DLGAP2: variants seen among roughly 807,000 people sequenced by gnomAD.
DLGAP2 encodes disks large-associated protein 2.
In DLGAP2, 26 loss-of-function variants were observed where a neutral mutation model predicts 100.3. The ratio of observed to expected loss-of-function variants is 0.26; its 90% CI spans 0.19 to 0.36. The LOEUF (loss-of-function observed/expected upper bound fraction) is 0.36. Among genes scored for constraint, DLGAP2 ranks in the 10% least tolerant of loss-of-function variants. The probability of loss-of-function intolerance (pLI) is 1.00; values close to 1 mark genes in which losing one functional copy is unlikely to be tolerated. For synonymous variants in DLGAP2, 886 were observed against 630.1 expected, an observed-to-expected ratio of 1.41 and a Z score of -6.08; for missense variants, 1,858 against 1,453.2, an observed-to-expected ratio of 1.28 and a Z score of -4.53.
chr8:1,682,664 G>C (rs1241118262), intron 12 of DLGAP2, among the ~76,000 whole-genome samples: 2 of 151,458 alleles, frequency 1.3e-5, no homozygotes, highest in East Asian at 3.9e-4. Flanking sequence ...AGTAGAGATG[G>C]AGTTTCACCA....
At chr8:762,406 A>G (rs944045847) in intron 1 of DLGAP2, among the ~76,000 whole-genome samples, 2 of 152,238 alleles carry the variant, frequency 1.3e-5, no homozygotes, top group African/African-American at 4.8e-5. Context: ...AGAACTTTCA[A>G]GCATGTAATA....
At chr8:1,276,362 C>T (rs1334785362) in intron 3 of DLGAP2, among the ~76,000 whole-genome samples, 1 of 151,922 alleles carries the variant, frequency 6.6e-6, no homozygotes, top group African/African-American at 2.4e-5. Flanking sequence ...TGTAGATTCG[C>T]GTCGGGCACT....
intron 3 of DLGAP2, among the ~76,000 whole-genome samples, chr8:1,308,926 T>G (rs965316382): frequency 1.3e-5 from 2 of 152,268 alleles, no homozygotes; most frequent in Admixed American, 1.3e-4. Context: ...TTATTTTTTT[T>G]TAAAGAAAAC....
rs1410987661 is a variant in DLGAP2, at chr8:737,692, G to T, written c.-116G>T. ...GCGGCGCCTGCGGCGGCGAACGGAC[G>T]GACGGACCGCGGACGGACGTACTGA... On this transcript the variant is annotated 5_prime_UTR_variant, in exon 1 of 15. Coordinates refer to ENST00000637795, the MANE Select transcript of DLGAP2 (RefSeq NM_001346810.2). The T allele has an allele frequency of 4.6e-5, 17 of 367,850 alleles. No homozygotes were observed. The highest frequency in any genetic ancestry group is 7.3e-5 in the Non-Finnish European group (15 of 206,194). 22.8% of individuals were successfully genotyped at this position (367,850 alleles called of 1,614,324 possible).
intron 3 of DLGAP2, among the ~76,000 whole-genome samples, chr8:1,303,681 C>T (rs1379531772): frequency 2.0e-5 from 3 of 152,268 alleles, no homozygotes; most frequent in East Asian, 3.9e-4. Flanking sequence ...CGCAGGAAGC[C>T]CTAAGGCCCA....
chr8:1,273,159 G>A (rs137914265), intron 3 of DLGAP2, among the ~76,000 whole-genome samples: 1 of 152,184 alleles, frequency 6.6e-6, no homozygotes, highest in African/African-American at 2.4e-5. Flanking sequence ...TCTCTGGAAG[G>A]TGTTTGTCTG....
intron 3 of DLGAP2, among the ~76,000 whole-genome samples, chr8:1,448,993 C>T (rs1014916134): frequency 3.3e-5 from 5 of 152,208 alleles, no homozygotes; most frequent in African/African-American, 9.6e-5. Context: ...TAAAAGCTGA[C>T]GCATGTTCTG....
At chr8:1,204,250 C>T (rs767007998) in intron 2 of DLGAP2, among the ~76,000 whole-genome samples, 7 of 152,196 alleles carry the variant, frequency 4.6e-5, no homozygotes, top group Admixed American at 6.5e-5. Flanking sequence ...TGTTAGATTC[C>T]GCGAGAGATT....
chr8:1,206,543 G>C (rs1383972749), intron 2 of DLGAP2, among the ~76,000 whole-genome samples: 164 of 150,746 alleles, frequency 1.1e-3, no homozygotes, highest in Middle Eastern at 3.6e-3. Context: ...GGGGTAGACT[G>C]TGAGCGGTTA....
At chr8:1,320,614 C>G (rs951809553) in intron 3 of DLGAP2, among the ~76,000 whole-genome samples, 1 of 152,206 alleles carries the variant, frequency 6.6e-6, no homozygotes, top group African/African-American at 2.4e-5. Context: ...CGAACATATT[C>G]TAAGTTCTGG....
chr8:850,363 T>G, intron 1 of DLGAP2, among the ~76,000 whole-genome samples: 1 of 152,352 alleles, frequency 6.6e-6, no homozygotes, highest in East Asian at 1.9e-4. Flanking sequence ...ACGCTGCCTC[T>G]TGAAAGATTT....
intron 2 of DLGAP2, among the ~76,000 whole-genome samples, chr8:1,011,240 T>C (rs994469806): frequency 2.0e-5 from 3 of 150,808 alleles, no homozygotes; most frequent in African/African-American, 7.3e-5. Context: ...GGTCTCAGTC[T>C]ACACAGTGAG....
intron 6 of DLGAP2, among the ~76,000 whole-genome samples, chr8:1,568,562 T>C (rs2130586690): frequency 1.6e-5 from 2 of 128,252 alleles, no homozygotes; most frequent in South Asian, 2.8e-4. Context: ...CATTCCACTG[T>C]CTACTCAGCA....
At chr8:903,376 G>C (rs1798302253) in intron 1 of DLGAP2, among the ~76,000 whole-genome samples, 1 of 152,056 alleles carries the variant, frequency 6.6e-6, no homozygotes, top group African/African-American at 2.4e-5. Context: ...GAGCCCCCCG[G>C]GCAGCACCTT....
In DLGAP2 at chr8:1,683,326, G is replaced by A. The variant is rs191597576; in HGVS notation, c.2704+4697G>A. On this transcript the variant is annotated intron_variant, in intron 12 of 14. Transcript: ENST00000637795. ...CTGAAAAGGAGATTCAAGAGTCCAC[G>A]CAGAGGCAGAGAACTGGGGAACAGA... 3.6e-4 allele frequency among the ~76,000 whole-genome samples: 54 copies of A among 151,586 alleles called. 1 individual carries two copies. In the East Asian group the frequency reaches 4.7e-3, roughly 13 times the overall value.
At chr8:858,643 C>T (rs1301795604) in intron 1 of DLGAP2, among the ~76,000 whole-genome samples, 1 of 150,738 alleles carries the variant, frequency 6.6e-6, no homozygotes, top group African/African-American at 2.5e-5. Context: ...GTGTGTGATG[C>T]TGTCACCGTG....
intron 2 of DLGAP2, among the ~76,000 whole-genome samples, chr8:976,184 C>G (rs1464855776): frequency 1.3e-5 from 2 of 152,078 alleles, no homozygotes; most frequent in Non-Finnish European, 2.9e-5. Flanking sequence ...TTATAAAAGA[C>G]ATAACATTTT....
chr8:1,555,705 G>C (rs908563013), intron 5 of DLGAP2, among the ~76,000 whole-genome samples: 2 of 152,246 alleles, frequency 1.3e-5, no homozygotes, highest in African/African-American at 4.8e-5. Context: ...GAGCAGCTTG[G>C]TGCCGGGCAG....
At chr8:1,126,403 G>C (rs1399336090) in intron 2 of DLGAP2, among the ~76,000 whole-genome samples, 2 of 151,972 alleles carry the variant, frequency 1.3e-5, no homozygotes, top group African/African-American at 4.8e-5. Context: ...GGGAGGCAGG[G>C]GAGAGAAGAG....
Sources: allele counts gnomAD v4.1 joint callset (sites outside exome capture counted in the v4.1 genomes callset), GRCh38; gene constraint gnomAD v4.1.1; transcripts MANE v1.5; gene names NCBI Gene and HGNC (gene_info 2026-07-23, HGNC 2026-07-21).